Variants in POLN observed in about 807,000 individuals in gnomAD.
POLN encodes DNA polymerase N.
Under a neutral mutation model 113.5 loss-of-function variants are expected in POLN, and 108 were observed. The observed-to-expected ratio is 0.95, with a 90% confidence interval of 0.81 to 1.12. The LOEUF is 1.12. POLN is among the 50% of genes most tolerant of loss of function. The pLI is 0.00. For missense variants in POLN, 1,097 were observed against 1,077.1 expected, an observed-to-expected ratio of 1.02 and a Z score of -0.26; for synonymous variants, 386 against 391.5, an observed-to-expected ratio of 0.99 and a Z score of 0.17.
intron 19 of POLN, among the ~76,000 whole-genome samples, chr4:2,097,551 T>C (rs1730824822): frequency 1.3e-5 from 2 of 152,210 alleles, no homozygotes; most frequent in Admixed American, 1.3e-4. Flanking sequence ...GGTTTTATCA[T>C]GTTGGCCAGG....
chr4:2,229,292 C>G lies in POLN; in HGVS notation c.-12-49G>C, dbSNP rs992423723. The G allele has an allele frequency of 2.4e-4, 333 of 1,380,552 alleles. No individual in the cohort carries two copies. The Middle Eastern group carries it at 4.5e-3, about 19-fold the overall frequency. The allele number at this position is 1,380,552 out of a possible 1,614,324, so 85.5% of individuals were successfully genotyped here. ...TAAATCCCATATATTAATCCTAAGA[C>G]TATAAAACAGGAAATACAATTATTT... On this transcript the variant is annotated intron_variant, in intron 2 of 25. Coordinates refer to ENST00000511885, the MANE Select transcript of POLN (RefSeq NM_181808.4).
intron 20 of POLN, chr4:2,090,240 T>TTGTTCCAGA: frequency 3.7e-6 from 3 of 803,010 alleles, no homozygotes; most frequent in East Asian, 4.9e-5. Flanking sequence ...CTTCAAATTC[T>TTGTTCCAGA]ACATGCTATC....
At chr4:2,202,179 T>C (rs541372870) in intron 5 of POLN, among the ~76,000 whole-genome samples, 47 of 152,168 alleles carry the variant, frequency 3.1e-4, no homozygotes, top group African/African-American at 1.1e-3. Flanking sequence ...ATGAATGGAA[T>C]GGTACCTCAC....
chr4:2,132,190 T>C (rs772502685), intron 16 of POLN, among the ~76,000 whole-genome samples: 1 of 152,152 alleles, frequency 6.6e-6, no homozygotes, highest in Non-Finnish European at 1.5e-5. Flanking sequence ...TAGAATCACA[T>C]GATACCTCAA....
intron 5 of POLN, among the ~76,000 whole-genome samples, chr4:2,200,279 G>A (rs532025805): frequency 3.3e-5 from 5 of 152,248 alleles, no homozygotes; most frequent in African/African-American, 7.2e-5. Context: ...ACTATAAAGC[G>A]CCAATAATCA....
chr4:2,157,007 G>C (rs1377181535), intron 15 of POLN, among the ~76,000 whole-genome samples, 154 bp from the exon 16 acceptor site: 1 of 152,166 alleles, frequency 6.6e-6, no homozygotes, highest in Non-Finnish European at 1.5e-5. Context: ...AATGTCCTTG[G>C]GGTTACAAAA....
intron 3 of POLN, among the ~76,000 whole-genome samples, chr4:2,223,134 G>A (rs1326612226): frequency 6.6e-6 from 1 of 152,184 alleles, no homozygotes; most frequent in African/African-American, 2.4e-5. Context: ...CTGACGAGGG[G>A]GGTTGGGTTG....
At position 2,170,623 on chromosome 4, in the gene POLN, T is replaced by C. The variant is rs747917556; in HGVS notation, c.1554+56A>G. On this transcript the variant is annotated intron_variant, in intron 13 of 25. Coordinates refer to ENST00000511885, the MANE Select transcript of POLN (RefSeq NM_181808.4). ...GGGTGGGTCTGAAGGTCAGCACACA[T>C]GTGGTGCAGACATGCTGTCATTCTA... The C allele has an allele frequency of 2.3e-5, 33 of 1,440,238 alleles. No individual in the cohort carries two copies. The highest frequency in any genetic ancestry group is 3.2e-5 in the Non-Finnish European group (33 of 1,027,332). 89.2% of individuals were successfully genotyped at this position (1,440,238 alleles called of 1,614,324 possible).
At chr4:2,128,521 G>C (rs1731641052) in intron 18 of POLN, among the ~76,000 whole-genome samples, 1 of 152,204 alleles carries the variant, frequency 6.6e-6, no homozygotes, top group Non-Finnish European at 1.5e-5. Context: ...AAGTGACATT[G>C]AGTAAAGGCA....
chr4:2,148,235 A>G (rs950528686), intron 16 of POLN, among the ~76,000 whole-genome samples: 8 of 152,180 alleles, frequency 5.3e-5, no homozygotes, highest in African/African-American at 1.9e-4. Flanking sequence ...ATTGAAACAG[A>G]AGAAAATCCA....
At chr4:2,202,936 GTCA>G (rs1445189424) in intron 5 of POLN, among the ~76,000 whole-genome samples, 8 of 151,978 alleles carry the variant, frequency 5.3e-5, no homozygotes, top group African/African-American at 1.7e-4. Flanking sequence ...CACCAGACAG[GTCA>G]TCAAGACAGA....
chr4:2,148,998 G>C (rs1422440174), intron 16 of POLN, among the ~76,000 whole-genome samples: 1 of 152,140 alleles, frequency 6.6e-6, no homozygotes, highest in Non-Finnish European at 1.5e-5. Context: ...GCTGGGCACA[G>C]TGACCTGTCA....
chr4:2,132,667 T>C (rs1731754539), intron 16 of POLN, among the ~76,000 whole-genome samples: 1 of 152,178 alleles, frequency 6.6e-6, no homozygotes, highest in African/African-American at 2.4e-5. Flanking sequence ...TCAGGGACCA[T>C]GCAGACCAGA....
chr4:2,200,373 T>C (rs1359345512), intron 5 of POLN, among the ~76,000 whole-genome samples: 1 of 152,198 alleles, frequency 6.6e-6, no homozygotes, highest in African/African-American at 2.4e-5. Flanking sequence ...GTGTGGAGGC[T>C]TGCATCGTGA....
intron 19 of POLN, among the ~76,000 whole-genome samples, chr4:2,102,273 C>T (rs1372055751): frequency 6.6e-6 from 1 of 152,160 alleles, no homozygotes; most frequent in Non-Finnish European, 1.5e-5. Flanking sequence ...GCAGGATCCA[C>T]GGTCCTGGGG....
chr4:2,183,959 T>G (rs1207745165), intron 7 of POLN, among the ~76,000 whole-genome samples: 1 of 151,786 alleles, frequency 6.6e-6, no homozygotes, highest in East Asian at 1.9e-4. Flanking sequence ...GTTCAGGTGA[T>G]TCTTCTGCCT....
At chr4:2,154,758 T>C (rs1294604428) in intron 16 of POLN, among the ~76,000 whole-genome samples, 2 of 152,348 alleles carry the variant, frequency 1.3e-5, no homozygotes, top group African/African-American at 4.8e-5. Context: ...GGTATGTTTA[T>C]GGTATTTCTA....
chr4:2,140,329 A>G (rs1254305727), intron 16 of POLN, among the ~76,000 whole-genome samples: 1 of 152,156 alleles, frequency 6.6e-6, no homozygotes, highest in Non-Finnish European at 1.5e-5. Flanking sequence ...CACCCGCCTC[A>G]GCCTCCCAAA....
intron 19 of POLN, among the ~76,000 whole-genome samples, chr4:2,123,902 A>C (rs1369501352): frequency 6.6e-6 from 1 of 152,086 alleles, no homozygotes; most frequent in Admixed American, 6.6e-5. Flanking sequence ...AAACAACCCA[A>C]ATGTCCATCA....
Sources: allele counts gnomAD v4.1 joint callset (sites outside exome capture counted in the v4.1 genomes callset), GRCh38; gene constraint gnomAD v4.1.1; transcripts MANE v1.5; gene names NCBI Gene and HGNC (gene_info 2026-07-23, HGNC 2026-07-21).